The following ZSWIM6 variants were observed in gnomAD, a reference collection of about 807,000 sequenced individuals.
ZSWIM6 encodes zinc finger SWIM domain-containing protein 6.
ZSWIM6 carries 9 observed loss-of-function variants against 113.2 expected under a neutral mutation model. The observed-to-expected ratio is 0.08, with a 90% CI of 0.05 to 0.14. The LOEUF is 0.14. Among genes scored for constraint, ZSWIM6 ranks in the 10% least tolerant of loss-of-function variants. ZSWIM6 has a pLI of 1.00. For missense variants in ZSWIM6, 1,162 were observed against 1,552.2 expected (o/e 0.75, Z 4.22); for synonymous variants, 611 against 606.5 (o/e 1.01, Z -0.11).
intron 1 of ZSWIM6, among the ~76,000 whole-genome samples, chr5:61,456,778 G>GT (rs1469361476): frequency 6.6e-6 from 1 of 152,130 alleles, no homozygotes; most frequent in African/African-American, 2.4e-5. Flanking sequence ...AGATACAGCT[G>GT]TAGCTATCAT....
intron 1 of ZSWIM6, among the ~76,000 whole-genome samples, chr5:61,432,359 GAGAA>G (rs1326163983): frequency 2.6e-5 from 4 of 152,340 alleles, no homozygotes; most frequent in South Asian, 2.1e-4. Flanking sequence ...AAAAGAAAGA[GAGAA>G]AGAAGACCAA....
chr5:61,531,045 G>T (rs1749416534), intron 8 of ZSWIM6, among the ~76,000 whole-genome samples: 1 of 152,136 alleles, frequency 6.6e-6, no homozygotes, highest in African/African-American at 2.4e-5. Context: ...TTGAAATTGG[G>T]TTATATATGT....
intron 1 of ZSWIM6, among the ~76,000 whole-genome samples, chr5:61,379,919 A>T (rs940387426): frequency 6.6e-6 from 1 of 152,166 alleles, no homozygotes; most frequent in Non-Finnish European, 1.5e-5. Context: ...AAAAAGCACT[A>T]TTAGCAATGT....
At chr5:61,345,865 T>A (rs1443418969) in intron 1 of ZSWIM6, among the ~76,000 whole-genome samples, 1 of 152,220 alleles carries the variant, frequency 6.6e-6, no homozygotes, top group African/African-American at 2.4e-5. Context: ...ATAAGAAAGC[T>A]TATGTTGAGG....
At chr5:61,415,857 T>C (rs550168398) in intron 1 of ZSWIM6, among the ~76,000 whole-genome samples, 114 of 152,344 alleles carry the variant, frequency 7.5e-4, no homozygotes, top group African/African-American at 2.5e-3. Context: ...AAAAGATTTT[T>C]GGTTTGTTTT....
intron 1 of ZSWIM6, among the ~76,000 whole-genome samples, chr5:61,456,441 G>A (rs190280596): frequency 1.6e-4 from 25 of 152,124 alleles, no homozygotes; most frequent in Non-Finnish European, 3.1e-4. Flanking sequence ...ACCGGCAGAG[G>A]TGACCCCACC....
At chr5:61,349,674 A>G (rs956092877) in intron 1 of ZSWIM6, among the ~76,000 whole-genome samples, 2 of 152,096 alleles carry the variant, frequency 1.3e-5, no homozygotes, top group Non-Finnish European at 2.9e-5. Context: ...GCCAAAAGCT[A>G]TTCTGAAAGC....
rs574775147 is a variant in ZSWIM6 at position 61,546,007 on chromosome 5, A to G, written c.*1690A>G. The G allele has an allele frequency of 2.6e-5, 4 of 152,326 alleles. No individual in the cohort carries two copies. Among genetic ancestry groups the G allele is most frequent in the African/African-American group, 9.6e-5 (4 of 41,578 alleles). The allele number at this position is 152,326 out of a possible 1,614,324, so 9.4% of individuals were successfully genotyped here. On this transcript the variant is annotated 3_prime_UTR_variant, in exon 14 of 14. Transcript: ENST00000252744. ...TTTATTATAATAGGTAAAAAGAAAA[A>G]AAAAGGTTGTAATTCATCACCCATG...
chr5:61,377,750 G>A (rs941293671), intron 1 of ZSWIM6, among the ~76,000 whole-genome samples: 3 of 150,348 alleles, frequency 2.0e-5, no homozygotes, highest in Admixed American at 6.6e-5. Context: ...CAAAAGACAA[G>A]TTTGAAAAAT....
At chr5:61,440,071 T>C (rs952288871) in intron 1 of ZSWIM6, among the ~76,000 whole-genome samples, 8 of 151,986 alleles carry the variant, frequency 5.3e-5, no homozygotes, top group African/African-American at 1.7e-4. Flanking sequence ...GAAAGATCTT[T>C]GAGAGTGGAA....
intron 1 of ZSWIM6, chr5:61,391,005 TC>T (rs1745696209): frequency 9.3e-6 from 7 of 753,618 alleles, no homozygotes; most frequent in Non-Finnish European, 1.5e-5. Flanking sequence ...TGACAAAGTA[TC>T]CCTGGCTGAT....
chr5:61,487,954 C>T (rs73107471), intron 2 of ZSWIM6, among the ~76,000 whole-genome samples: 5,394 of 152,024 alleles, frequency 0.035, 337 homozygotes, highest in African/African-American at 0.12. Context: ...CTGTCTTATT[C>T]CAGTTCTTAG....
At chr5:61,442,079 A>G (rs1005577685) in intron 1 of ZSWIM6, among the ~76,000 whole-genome samples, 1 of 152,146 alleles carries the variant, frequency 6.6e-6, no homozygotes, top group Non-Finnish European at 1.5e-5. Flanking sequence ...GTTGGTCAAC[A>G]GAAAGCAGGT....
chr5:61,391,817 G>A (rs1042592056), intron 1 of ZSWIM6: 4 of 824,994 alleles, frequency 4.8e-6, no homozygotes, highest in Non-Finnish European at 8.1e-6. Context: ...CTGCGCTGCT[G>A]AGGCAGGAAG....
At chr5:61,395,230 A>C (rs779685601) in intron 1 of ZSWIM6, among the ~76,000 whole-genome samples, 16 of 152,094 alleles carry the variant, frequency 1.1e-4, no homozygotes, top group Non-Finnish European at 1.9e-4. Flanking sequence ...GTAACTTCTC[A>C]GTGCTAAGAC....
chr5:61,385,436 A>G (rs973876014), intron 1 of ZSWIM6, among the ~76,000 whole-genome samples: 23 of 152,310 alleles, frequency 1.5e-4, no homozygotes, highest in African/African-American at 5.5e-4. Context: ...GAATAATGAA[A>G]GGCATCCGAT....
intron 2 of ZSWIM6, among the ~76,000 whole-genome samples, chr5:61,480,507 A>G (rs1462584300): frequency 1.3e-5 from 2 of 152,168 alleles, no homozygotes; most frequent in Non-Finnish European, 2.9e-5. Flanking sequence ...CCTGGAGAGG[A>G]CACCACACTA....
At chr5:61,474,923 C>T (rs896172550) in intron 2 of ZSWIM6, among the ~76,000 whole-genome samples, 4 of 152,134 alleles carry the variant, frequency 2.6e-5, no homozygotes, top group South Asian at 2.1e-4. Flanking sequence ...GTGTGTAAAG[C>T]GTTTGACTTG....
chr5:61,466,999 T>G (rs1351989825), intron 1 of ZSWIM6, among the ~76,000 whole-genome samples: 1 of 152,230 alleles, frequency 6.6e-6, no homozygotes, highest in Non-Finnish European at 1.5e-5. Flanking sequence ...GTGAGGACTT[T>G]GCCCCTTCAG....
Sources: gnomAD v4.1 joint callset for allele counts (sites outside exome capture counted in the v4.1 genomes callset) on GRCh38, gnomAD v4.1.1 for gene constraint, MANE v1.5 for transcripts, NCBI Gene and HGNC (gene_info 2026-07-23, HGNC 2026-07-21) for gene names.